Variants in NSUN2 observed in about 807,000 individuals in gnomAD.
The protein encoded by NSUN2 is NOP2/Sun RNA methyltransferase 2.
A neutral mutation model predicts 92.7 loss-of-function variants in NSUN2; 63 were observed. The ratio of observed to expected loss-of-function variants is 0.68; its 90% CI spans 0.56 to 0.84. The LOEUF is 0.84. Among genes scored for constraint, NSUN2 ranks in the 40% least tolerant of loss-of-function variants. The probability of loss-of-function intolerance (pLI) is 0.00; values close to 1 mark genes in which losing one functional copy is unlikely to be tolerated. For missense variants in NSUN2, 989 were observed against 964.9 expected, an observed-to-expected ratio of 1.02 and a Z score of -0.33; for synonymous variants, 356 against 348.3, an observed-to-expected ratio of 1.02 and a Z score of -0.25.
intron 14 of NSUN2, 59 bp downstream of exon 14, chr5:6,606,761 C>T: frequency 5.4e-6 from 5 of 931,862 alleles, no homozygotes; most frequent in Non-Finnish European, 8.5e-6. Context: ...ATCAGTTGTA[C>T]ATTTGATACT....
chr5:6,619,459 G>A (rs1363133943), intron 7 of NSUN2, among the ~76,000 whole-genome samples: 2 of 148,902 alleles, frequency 1.3e-5, no homozygotes, highest in East Asian at 1.9e-4. Flanking sequence ...ATCATCATCC[G>A]TGCACCTCCT....
chr5:6,604,805 C>G (rs1736695577), intron 15 of NSUN2, 120 bp from the exon 16 acceptor site: 2 of 799,176 alleles, frequency 2.5e-6, no homozygotes, highest in African/African-American at 3.5e-5. Context: ...AAGCAGAAAC[C>G]CACCGAGAAA....
chr5:6,604,552 G>A (rs1009551535), intron 16 of NSUN2, 53 bp downstream of exon 16: 21 of 1,515,262 alleles, frequency 1.4e-5, no homozygotes, highest in South Asian at 6.7e-5. Flanking sequence ...ATCTACTCCC[G>A]ACTGCTTCAG....
chr5:6,606,765 T>C (rs1736791948), intron 14 of NSUN2, 55 bp downstream of exon 14: 1 of 979,752 alleles, frequency 1.0e-6, no homozygotes, highest in South Asian at 1.4e-5. Context: ...GTTGTACATT[T>C]GATACTCTAT....
intron 7 of NSUN2, among the ~76,000 whole-genome samples, chr5:6,619,330 A>G (rs1467197789): frequency 1.1e-4 from 16 of 152,230 alleles, no homozygotes; most frequent in Admixed American, 1.0e-3. Flanking sequence ...ACAAAATGGC[A>G]TTCTTCCATA....
intron 12 of NSUN2, among the ~76,000 whole-genome samples, chr5:6,607,702 GGGT>G (rs1340934793): frequency 6.6e-6 from 1 of 152,130 alleles, no homozygotes; most frequent in African/African-American, 2.4e-5. Context: ...CATCTGCTCT[GGGT>G]AAGGCACACT....
intron 11 of NSUN2, among the ~76,000 whole-genome samples, chr5:6,610,164 G>A: frequency 6.6e-6 from 1 of 151,900 alleles, no homozygotes; most frequent in East Asian, 1.9e-4. Flanking sequence ...CCTGGGCTCA[G>A]GAGATCCTCC....
chr5:6,620,063 T>G lies in NSUN2; in HGVS notation c.815+43A>C, dbSNP rs539874835. 8.9e-6 allele frequency: 13 copies of G among 1,456,862 alleles called. No individual in the cohort carries two copies. In the African/African-American group the frequency reaches 1.7e-4, roughly 19 times the overall value. The allele number at this position is 1,456,862 out of a possible 1,614,324, so 90.2% of individuals were successfully genotyped here. On this transcript the variant is annotated intron_variant, in intron 7 of 18. Transcript: ENST00000264670. ...TCATTTTAGTCTCTATTTGACTTGA[T>G]TTCTTTAGTGGATTTGGGCTTTTTG...
At chr5:6,617,476 AAACATT>A (rs1737256890) in intron 8 of NSUN2, among the ~76,000 whole-genome samples, 1 of 152,266 alleles carries the variant, frequency 6.6e-6, no homozygotes, top group Non-Finnish European at 1.5e-5. Flanking sequence ...ACAACACACC[AAACATT>A]AACAGACGTG....
chr5:6,606,229 T>C (rs1173045638), intron 14 of NSUN2, among the ~76,000 whole-genome samples: 3 of 152,238 alleles, frequency 2.0e-5, no homozygotes, highest in South Asian at 2.1e-4. Flanking sequence ...ATATACTCAA[T>C]TGAGTAATTT....
At chr5:6,602,030 G>A (rs1736576823) in intron 18 of NSUN2, among the ~76,000 whole-genome samples, 1 of 151,990 alleles carries the variant, frequency 6.6e-6, no homozygotes, top group African/African-American at 2.4e-5. Flanking sequence ...GACCGTGAGT[G>A]CAAGCGTGAG....
intron 9 of NSUN2, among the ~76,000 whole-genome samples, chr5:6,615,960 T>C (rs1737191200): frequency 6.6e-6 from 1 of 152,226 alleles, no homozygotes; most frequent in Admixed American, 6.5e-5. Context: ...TCACACCCAT[T>C]AGGATGGCTA....
intron 4 of NSUN2, 48 bp downstream of exon 4, chr5:6,625,516 G>A: frequency 7.4e-7 from 1 of 1,344,232 alleles, no homozygotes; most frequent in Non-Finnish European, 1.1e-6. Flanking sequence ...CTACATCTAT[G>A]CATTTACAGC....
Position 6,616,742 on chromosome 5 carries a change from G to GT in NSUN2, c.1005dup (p.Leu336ThrfsTer5). On this transcript the variant is annotated frameshift_variant, in exon 9 of 19. Transcript: ENST00000264670. LOFTEE classifies it high-confidence loss of function. ...GCGTGCTTACCTTCACTTTTTTCCA[G>GT]TAAAGATGCTATGACTGCTTCATCC... The GT allele has an allele frequency of 6.9e-7, 1 of 1,455,144 alleles. No individual in the cohort carries two copies. Among genetic ancestry groups the GT allele is most frequent in the Non-Finnish European group, 9.1e-7 (1 of 1,099,440 alleles). The allele number at this position is 1,455,144 out of a possible 1,614,324, so 90.1% of individuals were successfully genotyped here.
chr5:6,616,988 G>A (rs1391728301), intron 8 of NSUN2, 131 bp from the exon 9 acceptor site: 4 of 689,158 alleles, frequency 5.8e-6, no homozygotes, highest in Non-Finnish European at 8.9e-6. Context: ...AACCTTCCAG[G>A]GATCTAAATG....
intron 4 of NSUN2, among the ~76,000 whole-genome samples, chr5:6,623,843 C>T (rs1403738329): frequency 2.2e-5 from 3 of 133,944 alleles, no homozygotes; most frequent in African/African-American, 8.3e-5. Context: ...AATTCCTCAC[C>T]ACACTCCCTG....
intron 5 of NSUN2, among the ~76,000 whole-genome samples, 183 bp from the exon 6 acceptor site, chr5:6,622,283 T>C (rs747829350): frequency 2.6e-5 from 4 of 152,218 alleles, no homozygotes; most frequent in Admixed American, 6.5e-5. Context: ...CAGAATGATA[T>C]AGGTACAGTC....
intron 5 of NSUN2, among the ~76,000 whole-genome samples, chr5:6,622,847 C>CAAAAAAAAAAAAAAAA: frequency 7.9e-6 from 1 of 126,924 alleles, no homozygotes; most frequent in Non-Finnish European, 1.6e-5. Flanking sequence ...AACTCCATCT[C>CAAAAAAAAAAAAAAAA]AAAAAAAAAA....
Position 6,600,047 on chromosome 5 carries a change from G to A in NSUN2, c.2183C>T (p.Pro728Leu), listed in dbSNP as rs770226638. 1.1e-5 allele frequency: 18 copies of A among 1,614,216 alleles called. No individual in the cohort carries two copies. Among genetic ancestry groups the A allele is most frequent in the Non-Finnish European group, 1.5e-5 (18 of 1,180,032 alleles). ...TNESAASTGQ[P>L]DNDVTEGQRA... ...CTGTCCCTCAGTCACGTCATTGTCT[G>A]GCTGTCCGGTGCTGGCTGCACTCTC... is the stretch of plus-strand genomic sequence containing the variant. The change falls in exon 19 of 19, where the codon CCA (proline) becomes CTA (leucine). Residue 728 changes from proline to leucine, a missense_variant. By Grantham distance (98) the Pro-to-Leu change is moderately conservative. Around this residue, in one of 3 missense-constraint regions of NSUN2, gnomAD observed 626 missense variants for 602.3 expected, o/e 1.04. Transcript: ENST00000264670.
Sources: allele counts gnomAD v4.1 joint callset (sites outside exome capture counted in the v4.1 genomes callset), GRCh38; gene constraint gnomAD v4.1.1; regional missense constraint gnomAD v4.1.1; transcripts MANE v1.5; gene names NCBI Gene and HGNC (gene_info 2026-07-23, HGNC 2026-07-21).